Variants in TIAM2 observed in about 807,000 individuals in gnomAD.
TIAM2 encodes the protein TIAM Rac1 associated GEF 2.
A neutral mutation model predicts 152.9 loss-of-function variants in TIAM2; 80 were observed. The observed-to-expected ratio is 0.52, with a 90% confidence interval of 0.44 to 0.63. TIAM2 has a LOEUF of 0.63. TIAM2 is among the 30% of genes least tolerant of loss of function. TIAM2 has a pLI of 0.00. For missense variants in TIAM2, 1,965 were observed against 2,120.1 expected, an observed-to-expected ratio of 0.93 and a Z score of 1.44; for synonymous variants, 804 against 838.0, an observed-to-expected ratio of 0.96 and a Z score of 0.70.
At chr6:155,212,144 G>C (rs1041181974) in intron 15 of TIAM2, among the ~76,000 whole-genome samples, 3 of 152,206 alleles carry the variant, frequency 2.0e-5, no homozygotes, top group African/African-American at 7.2e-5. Flanking sequence ...TATTGCTGCT[G>C]TTGTGGATAA....
rs775097601 is a variant in TIAM2, at chr6:155,130,372, C to T, written c.1149C>T (p.Ile383=). 1 of 1,613,886 alleles carries T rather than the reference C, an allele frequency of 6.2e-7. No homozygotes were observed. ...CCCTCAAAGCCAGGATGCGACGGAT[C>T]AGTGACTGGACGGGAAGCCTCTCAA... ...KDSLKARMRR[I]SDWTGSLSRK... The change falls in exon 4 of 27, where the codon ATC becomes ATT. Residue 383 remains isoleucine, a synonymous_variant. Coordinates refer to ENST00000682666, the MANE Select transcript of TIAM2 (RefSeq NM_012454.4).
In TIAM2 at chr6:155,130,006, C is replaced by T. The variant is rs759976174; in HGVS notation, c.783C>T (p.Ser261=). The T allele has an allele frequency of 1.4e-5, 23 of 1,614,116 alleles. No homozygotes were observed. Among genetic ancestry groups the T allele is most frequent in the Admixed American group, 1.0e-4 (6 of 60,016 alleles). The part of the protein sequence containing the change: ...DSPWGNAGEL[S]EAEGSFLAPG... Reference sequence around the variant, plus strand: ...CTTGGGGCAATGCTGGAGAGCTGAGCGAGGCTGAGGGCTCCTTCCTGGCCC... The same window carrying T: ...CTTGGGGCAATGCTGGAGAGCTGAGTGAGGCTGAGGGCTCCTTCCTGGCCC... The change falls in exon 4 of 27, where the codon AGC becomes AGT. Residue 261 remains serine, a synonymous_variant. Transcript: ENST00000682666.
At chr6:155,072,555 G>A (rs968647923) in intron 1 of TIAM2, among the ~76,000 whole-genome samples, 2 of 152,098 alleles carry the variant, frequency 1.3e-5, no homozygotes, top group African/African-American at 4.8e-5. Flanking sequence ...CAGAAAGGGG[G>A]GCCAGGTGAT....
At chr6:155,024,812 T>C (rs1033830497) in intron 1 of TIAM2, among the ~76,000 whole-genome samples, 1 of 152,204 alleles carries the variant, frequency 6.6e-6, no homozygotes, top group Non-Finnish European at 1.5e-5. Flanking sequence ...AATGCAAATG[T>C]TTCGAAATTA....
chr6:155,034,449 T>C (rs1194833666), intron 1 of TIAM2, among the ~76,000 whole-genome samples: 3 of 152,070 alleles, frequency 2.0e-5, no homozygotes, highest in Non-Finnish European at 4.4e-5. Flanking sequence ...GGGATGGAGT[T>C]TCACCATGTT....
In TIAM2 at chr6:155,176,808, A is replaced by G. The variant is rs9397231; in HGVS notation, c.2362-8A>G. ...TTGTCTGCATTTTCTTTTGGCATCT[A>G]CAAACAGGTCGATGAACTTCTGCAT... On this transcript the variant is annotated splice_region_variant and splice_polypyrimidine_tract_variant and intron_variant, in intron 9 of 26. Coordinates refer to ENST00000682666, the MANE Select transcript of TIAM2 (RefSeq NM_012454.4). 2,900 of 1,606,260 alleles carry G rather than the reference A, an allele frequency of 1.8e-3. 98 individuals carry two copies. The East Asian group carries it at 0.057, about 32-fold the overall frequency.
intron 2 of TIAM2, among the ~76,000 whole-genome samples, chr6:155,107,611 A>G (rs1038003033): frequency 1.4e-4 from 21 of 152,182 alleles, no homozygotes; most frequent in African/African-American, 4.8e-4. Context: ...TCATCTCATC[A>G]GGGCTTAATT....
rs138924938 is a variant in TIAM2, at chr6:155,253,696, C to T, written c.4226-277C>T. Reference sequence around the variant, plus strand: ...GCAAAGGAGGTTGAAGAATAGGATCCACTGAATCTCCTCTTCCCCAGAGAG... The same window carrying T: ...GCAAAGGAGGTTGAAGAATAGGATCTACTGAATCTCCTCTTCCCCAGAGAG... On this transcript the variant is annotated intron_variant, in intron 24 of 26. Coordinates refer to ENST00000682666, the MANE Select transcript of TIAM2 (RefSeq NM_012454.4). 6.2e-4 allele frequency: 206 copies of T among 332,278 alleles called. 1 individual carries two copies. Among genetic ancestry groups the T allele is most frequent in the African/African-American group, 4.0e-3 (186 of 46,822 alleles). 20.6% of individuals were successfully genotyped at this position (332,278 alleles called of 1,614,324 possible).
chr6:155,046,999 G>A (rs1028773832), intron 1 of TIAM2, among the ~76,000 whole-genome samples: 3 of 152,278 alleles, frequency 2.0e-5, no homozygotes, highest in Non-Finnish European at 4.4e-5. Flanking sequence ...GTAAGGAAGC[G>A]AGAGGGAAAG....
chr6:155,077,246 A>T (rs929239475), intron 1 of TIAM2, among the ~76,000 whole-genome samples: 3 of 151,720 alleles, frequency 2.0e-5, no homozygotes, highest in Non-Finnish European at 4.4e-5. Flanking sequence ...TCAGAAAAGG[A>T]TCTATAATAA....
intron 1 of TIAM2, among the ~76,000 whole-genome samples, chr6:154,999,073 G>C (rs971671163): frequency 1.3e-5 from 2 of 152,052 alleles, no homozygotes; most frequent in East Asian, 3.9e-4. Context: ...ATGATGCAAA[G>C]TCCATTTGGA....
At chr6:155,252,672 T>C (rs1473951732) in intron 23 of TIAM2, among the ~76,000 whole-genome samples, 2 of 152,184 alleles carry the variant, frequency 1.3e-5, no homozygotes, top group Non-Finnish European at 2.9e-5. Flanking sequence ...TGGTTTACCA[T>C]TCAGAGGCAG....
At chr6:155,179,002 G>A (rs1321305791) in intron 10 of TIAM2, 37 bp from the exon 11 acceptor site, 2 of 1,472,224 alleles carry the variant, frequency 1.4e-6, no homozygotes, top group South Asian at 1.2e-5. Context: ...TTTAGAAAGA[G>A]CATTTAAAAT....
rs756023678 is a variant in TIAM2, at chr6:155,130,043, G to A, written c.820G>A (p.Asp274Asn). 3.1e-6 allele frequency: 5 copies of A among 1,614,050 alleles called. No individual in the cohort carries two copies. The highest frequency in any genetic ancestry group is 2.5e-6 in the Non-Finnish European group (3 of 1,180,028). ...CTCCTTCCTGGCCCCCGGCATGCCT[G>A]ACCCCAGTCTCCATGCCAGCTTCCC... Reference protein sequence around the residue: ...EGSFLAPGMPDPSLHASFPPG... With the variant: ...EGSFLAPGMPNPSLHASFPPG... Residue 274 changes from aspartate to asparagine, a missense_variant, in exon 4 of 27, where the codon GAC (aspartate) becomes AAC (asparagine). Asp to Asn is a conservative substitution (Grantham distance 23). Coordinates refer to ENST00000682666, the MANE Select transcript of TIAM2 (RefSeq NM_012454.4).
chr6:155,011,210 T>C (rs187623843), intron 1 of TIAM2, among the ~76,000 whole-genome samples: 1 of 152,122 alleles, frequency 6.6e-6, no homozygotes, highest in Admixed American at 6.5e-5. Flanking sequence ...ACTCTAGGGG[T>C]CTTTACAACT....
At chr6:155,242,922 T>C (rs1348434857) in intron 16 of TIAM2, among the ~76,000 whole-genome samples, 2 of 147,666 alleles carry the variant, frequency 1.4e-5, no homozygotes, top group East Asian at 3.9e-4. Context: ...TTCTTTTTTT[T>C]AGTAGAAACA....
chr6:155,136,692 G>A (rs1779564017), intron 4 of TIAM2, among the ~76,000 whole-genome samples: 1 of 152,136 alleles, frequency 6.6e-6, no homozygotes. Flanking sequence ...AAGTTTTTGG[G>A]TTTTGCATAA....
At chr6:155,241,463 C>T (rs6905207) in intron 16 of TIAM2, among the ~76,000 whole-genome samples, 64,309 of 151,872 alleles carry the variant, frequency 0.42, 14,696 homozygotes, top group Middle Eastern at 0.56. Flanking sequence ...GTGGATGGCC[C>T]CCTTCAACTC....
intron 2 of TIAM2, among the ~76,000 whole-genome samples, chr6:155,094,731 TTTTTTTG>T (rs1226138213): frequency 5.0e-5 from 7 of 139,414 alleles, no homozygotes; most frequent in Admixed American, 3.1e-4. Context: ...ATGGTTTTTT[TTTTTTTG>T]TTTTTTTGTT....
Sources: allele counts gnomAD v4.1 joint callset (sites outside exome capture counted in the v4.1 genomes callset), GRCh38; gene constraint gnomAD v4.1.1; transcripts MANE v1.5; gene names NCBI Gene and HGNC (gene_info 2026-07-23, HGNC 2026-07-21).